Variants in EYS observed in about 807,000 individuals in gnomAD.
EYS encodes the protein EGF-like photoreceptor maintenance factor.
In EYS, 250 loss-of-function variants were observed where a neutral mutation model predicts 282.1. The ratio of observed to expected loss-of-function variants is 0.89; its 90% CI spans 0.80 to 0.98. EYS has a LOEUF of 0.98. Ranked by LOEUF, EYS falls within the 50% of genes least tolerant of loss-of-function variation. The pLI is 0.00. For synonymous variants in EYS, 1,355 were observed against 1,282.9 expected (o/e 1.06, Z -1.20); for missense variants, 4,016 against 3,709.0 (o/e 1.08, Z -2.15).
intron 1 of EYS, among the ~76,000 whole-genome samples, chr6:65,659,365 A>C (rs1767930746): frequency 6.6e-6 from 1 of 151,748 alleles, no homozygotes; most frequent in South Asian, 2.1e-4. Flanking sequence ...CATATTAAGC[A>C]CTTTATGAAG....
chr6:64,536,717 A>G (rs921089462), intron 26 of EYS, among the ~76,000 whole-genome samples: 2 of 152,000 alleles, frequency 1.3e-5, no homozygotes, highest in Non-Finnish European at 2.9e-5. Context: ...ATTTAGTAAA[A>G]GAGAGATAAA....
intron 22 of EYS, among the ~76,000 whole-genome samples, chr6:64,700,446 C>T (rs1770742384): frequency 6.6e-6 from 1 of 151,982 alleles, no homozygotes; most frequent in African/African-American, 2.4e-5. Context: ...GTCAAATTAT[C>T]TGTTAGTTGA....
intron 14 of EYS, among the ~76,000 whole-genome samples, chr6:64,985,125 G>A (rs1363097059): frequency 6.6e-6 from 1 of 151,424 alleles, no homozygotes; most frequent in Non-Finnish European, 1.5e-5. Flanking sequence ...TGTAGCAATT[G>A]AACTGATGCA....
At chr6:65,486,956 C>T (rs1270476531) in intron 5 of EYS, among the ~76,000 whole-genome samples, 2 of 152,132 alleles carry the variant, frequency 1.3e-5, no homozygotes, top group African/African-American at 4.8e-5. Flanking sequence ...GGAGTTCACT[C>T]ATGATTTGGC....
chr6:64,190,939 T>G (rs894243446), intron 31 of EYS, among the ~76,000 whole-genome samples: 1 of 152,218 alleles, frequency 6.6e-6, no homozygotes, highest in African/African-American at 2.4e-5. Context: ...AGTATCTCAT[T>G]GTGGTTTCAT....
chr6:64,511,211 C>T (rs956265670), intron 26 of EYS, among the ~76,000 whole-genome samples: 5 of 129,984 alleles, frequency 3.8e-5, no homozygotes, highest in African/African-American at 1.8e-4. Context: ...AAGGCCACCA[C>T]AACTCTCTCT....
intron 21 of EYS, among the ~76,000 whole-genome samples, chr6:64,819,172 C>A (rs1398390811): frequency 6.6e-6 from 1 of 152,034 alleles, no homozygotes; most frequent in Non-Finnish European, 1.5e-5. Flanking sequence ...AATAGGGCAG[C>A]TAGTAAGTAA....
intron 36 of EYS, among the ~76,000 whole-genome samples, chr6:63,863,640 TTTC>T (rs150225514): frequency 7.0e-3 from 46 of 6,556 alleles, no homozygotes; most frequent in African/African-American, 7.9e-3. Context: ...ATTACCACTT[TTTC>T]TTTTCTTTTC....
chr6:65,315,184 T>C (rs932904066), intron 11 of EYS, among the ~76,000 whole-genome samples: 3 of 152,186 alleles, frequency 2.0e-5, no homozygotes, highest in African/African-American at 4.8e-5. Context: ...TAGACTGTTT[T>C]ACCACTTCTA....
At position 63,984,403 on chromosome 6, in the gene EYS, G is replaced by A; in HGVS notation, c.7035C>T (p.Arg2345=). The change falls in exon 35 of 43, where the codon CGC becomes CGT. Residue 2345 remains arginine (R), a synonymous_variant. Transcript: ENST00000503581. ...HVPWCAHHLC[R]NNGTCISDNE... Reference sequence around the variant, plus strand: ...CTGACCTGATGCAGGTGCCATTGTTGCGGCACAGATGATGAGCACACCAAG... The same window carrying A: ...CTGACCTGATGCAGGTGCCATTGTTACGGCACAGATGATGAGCACACCAAG... The A allele has an allele frequency of 6.5e-7, 1 of 1,548,716 alleles. No individual in the cohort carries two copies. Among genetic ancestry groups the A allele is most frequent in the Non-Finnish European group, 8.7e-7 (1 of 1,144,726 alleles).
At chr6:64,163,594 A>C (rs1775175299) in intron 31 of EYS, among the ~76,000 whole-genome samples, 1 of 152,126 alleles carries the variant, frequency 6.6e-6, no homozygotes, top group Non-Finnish European at 1.5e-5. Flanking sequence ...GAAAAAAATA[A>C]CCGTTTAGCT....
At chr6:65,258,674 C>G (rs543174235) in intron 12 of EYS, among the ~76,000 whole-genome samples, 47 of 152,066 alleles carry the variant, frequency 3.1e-4, no homozygotes, top group African/African-American at 1.1e-3. Flanking sequence ...GGTTCTAGTA[C>G]CTACAGAGAA....
intron 8 of EYS, among the ~76,000 whole-genome samples, chr6:65,372,499 T>C (rs1379991624): frequency 6.6e-6 from 1 of 152,042 alleles, no homozygotes; most frequent in Non-Finnish European, 1.5e-5. Flanking sequence ...ATCAAACATT[T>C]TTAAATGTAT....
chr6:65,533,047 G>A (rs1464508713), intron 2 of EYS, among the ~76,000 whole-genome samples: 2 of 151,856 alleles, frequency 1.3e-5, no homozygotes, highest in Non-Finnish European at 2.9e-5. Context: ...TTAAAAATAT[G>A]TATAAAAATT....
intron 15 of EYS, among the ~76,000 whole-genome samples, chr6:64,943,670 AAGG>A (rs1205196287): frequency 2.6e-5 from 4 of 152,154 alleles, no homozygotes; most frequent in Non-Finnish European, 4.4e-5. Flanking sequence ...AGATCTGTAC[AAGG>A]AGAACTACAA....
At chr6:65,296,481 T>G (rs9354218) in intron 11 of EYS, among the ~76,000 whole-genome samples, 148,348 of 151,662 alleles carry the variant, frequency 0.98, 72,637 homozygotes, top group East Asian at 1. Flanking sequence ...TGTGGTTTTT[T>G]TCATTGAAAG....
chr6:63,988,936 A>T (rs539818705), intron 34 of EYS, among the ~76,000 whole-genome samples: 1 of 151,618 alleles, frequency 6.6e-6, no homozygotes, highest in African/African-American at 2.4e-5. Flanking sequence ...AAAATCCATC[A>T]GGCAGGGGAG....
intron 2 of EYS, among the ~76,000 whole-genome samples, chr6:65,499,751 G>A (rs2127275941): frequency 6.6e-6 from 1 of 151,906 alleles, no homozygotes; most frequent in East Asian, 1.9e-4. Context: ...TTTTAGCAAG[G>A]ATACTAGAAA....
At chr6:65,206,819 C>T (rs1766047969) in intron 12 of EYS, among the ~76,000 whole-genome samples, 1 of 151,566 alleles carries the variant, frequency 6.6e-6, no homozygotes, top group Non-Finnish European at 1.5e-5. Flanking sequence ...TGATAAAATC[C>T]AACATTTCTT....
Sources: gnomAD v4.1 joint callset for allele counts (sites outside exome capture counted in the v4.1 genomes callset) on GRCh38, gnomAD v4.1.1 for gene constraint, MANE v1.5 for transcripts, NCBI Gene and HGNC (gene_info 2026-07-23, HGNC 2026-07-21) for gene names.